HMGN1: variants seen among roughly 807,000 people sequenced by gnomAD.
The protein encoded by HMGN1 is high mobility group nucleosome binding domain 1, also known as non-histone chromosomal protein HMG-14.
Under a neutral mutation model 18.4 loss-of-function variants are expected in HMGN1, and 9 were observed. The ratio of observed to expected loss-of-function variants is 0.49; its 90% CI spans 0.29 to 0.85. HMGN1 has a LOEUF of 0.85. Ranked by LOEUF, HMGN1 falls within the 40% of genes least tolerant of loss-of-function variation. HMGN1 has a pLI of 0.07. For synonymous variants in HMGN1, 59 were observed against 45.0 expected (o/e 1.31, Z -1.24); for missense variants, 151 against 119.2 (o/e 1.27, Z -1.24).
Position 39,348,955 on chromosome 21 carries a change from G to C in HMGN1, c.-38C>G. 8.3e-7 allele frequency: 1 copy of C among 1,201,234 alleles called. No homozygotes were observed. Among genetic ancestry groups the C allele is most frequent in the Non-Finnish European group, 1.0e-6 (1 of 968,450 alleles). The allele number at this position is 1,201,234 out of a possible 1,614,324, so 74.4% of individuals were successfully genotyped here. On this transcript the variant is annotated 5_prime_UTR_variant, in exon 1 of 6. Coordinates refer to ENST00000380749, the MANE Select transcript of HMGN1 (RefSeq NM_004965.7). Reference sequence around the variant, plus strand: ...GAAGGCGCGTGCCGGGTGCCTGCGGGGAAGGCGCGTGCCGGGTGCCTGCGG... The same window carrying C: ...GAAGGCGCGTGCCGGGTGCCTGCGGCGAAGGCGCGTGCCGGGTGCCTGCGG...
chr21:39,347,721 C>A (rs2037105410), intron 4 of HMGN1: 4 of 266,670 alleles, frequency 1.5e-5, no homozygotes, highest in South Asian at 1.3e-4. Context: ...TACAGACCTG[C>A]AATTCGAATC....
Position 39,348,454 on chromosome 21 carries a change from T to C in HMGN1, c.49-3A>G. 1 of 1,613,948 alleles carries C rather than the reference T, an allele frequency of 6.2e-7. No individual in the cohort carries two copies. The highest frequency in any genetic ancestry group is 8.5e-7 in the Non-Finnish European group (1 of 1,179,972). ...AACCGCGCCGATCTCCTCTTGGGCT[T>C]GGAGAAAGAAAAAGGAGAGTCAGCG... On this transcript the variant is annotated splice_region_variant and splice_polypyrimidine_tract_variant and intron_variant, in intron 2 of 5. Transcript: ENST00000380749.
At chr21:39,345,461 A>AT in intron 4 of HMGN1, 187 bp from the exon 5 acceptor site, 2 of 620,418 alleles carry the variant, frequency 3.2e-6, no homozygotes, top group Non-Finnish European at 5.6e-6. Flanking sequence ...AAAGGATCTC[A>AT]TTTTGTATAG....
intron 4 of HMGN1, chr21:39,347,252 G>C (rs2037088875): frequency 2.6e-6 from 2 of 755,608 alleles, no homozygotes; most frequent in South Asian, 4.9e-5. Context: ...CATACCTTCC[G>C]TGAAGCTTTA....
At chr21:39,347,604 G>A (rs1405048309) in intron 4 of HMGN1, 3 of 424,690 alleles carry the variant, frequency 7.1e-6, no homozygotes, top group African/African-American at 2.1e-5. Flanking sequence ...AGCTTTACAG[G>A]TTTCAATGCT....
At chr21:39,345,588 A>G in intron 4 of HMGN1, 1 of 418,094 alleles carries the variant, frequency 2.4e-6, no homozygotes, top group South Asian at 2.1e-5. Context: ...TGCTAAGGAG[A>G]TTTTAATAGT....
Position 39,345,138 on chromosome 21 carries a change from C to CACA in HMGN1, c.255+7_255+8insTGT. 1 of 1,568,422 alleles carries CACA rather than the reference C, an allele frequency of 6.4e-7. No homozygotes were observed. Reference sequence around the variant, plus strand: ...ACACACACACACACACACACACACACTTCTGACCTCCTCAGTCTTCGTTTC... The same window carrying CACA: ...ACACACACACACACACACACACACACACATTCTGACCTCCTCAGTCTTCGTTTC... On this transcript the variant is annotated splice_region_variant and intron_variant, in intron 5 of 5. Coordinates refer to ENST00000380749, the MANE Select transcript of HMGN1 (RefSeq NM_004965.7).
Position 39,349,066 on chromosome 21 carries a change from C to T in HMGN1, c.-149G>A, listed in dbSNP as rs2037178223. 3.3e-6 allele frequency: 3 copies of T among 914,156 alleles called. No homozygotes were observed. The highest frequency in any genetic ancestry group is 4.3e-4 in the Middle Eastern group (1 of 2,342). The allele number at this position is 914,156 out of a possible 1,614,324, so 56.6% of individuals were successfully genotyped here. Reference sequence around the variant, plus strand: ...CCGCCCGAGCTGCTGAGACCCACAGCGGGGGCGGTGGGAGAACCGGATGGA... The same window carrying T: ...CCGCCCGAGCTGCTGAGACCCACAGTGGGGGCGGTGGGAGAACCGGATGGA... On this transcript the variant is annotated 5_prime_UTR_variant, in exon 1 of 6. Transcript: ENST00000380749.
Position 39,345,267 on chromosome 21 carries a change from G to C in HMGN1, c.134C>G (p.Ser45Cys), listed in dbSNP as rs144112239. The change falls in exon 5 of 6, where the codon TCT becomes TGT. Residue 45 changes from serine to cysteine, a missense_variant. By Grantham distance (112) the Ser-to-Cys change is moderately radical. Transcript: ENST00000380749. ...TTTTGTTTGCACTTTTTTGTCTGAA[G>C]ATTTATCCTATGATAGAATAAGAAT... ...KPKKAAAKDK[S>C]SDKKVQTKGK... The C allele has an allele frequency of 1.9e-6, 3 of 1,611,816 alleles. No individual in the cohort carries two copies. In the African/African-American group the frequency reaches 4.0e-5, roughly 22 times the overall value.
In HMGN1 at chr21:39,348,349, A is replaced by G; in HGVS notation, c.79-10T>C. 6.2e-7 allele frequency: 1 copy of G among 1,614,160 alleles called. No homozygotes were observed. Among genetic ancestry groups the G allele is most frequent in the East Asian group, 2.2e-5 (1 of 44,874 alleles). ...CTTTTGCAGGAGGTTTCTGAAAGGC[A>G]AAAGCAGCACTGAGCGTCCTCACCC... On this transcript the variant is annotated splice_polypyrimidine_tract_variant and intron_variant, in intron 3 of 5. Coordinates refer to ENST00000380749, the MANE Select transcript of HMGN1 (RefSeq NM_004965.7).
rs1004659404 is a variant in HMGN1 at position 39,342,510 on chromosome 21, G to T, written c.*602C>A. 1 of 190,406 alleles carries T rather than the reference G, an allele frequency of 5.3e-6. No homozygotes were observed. Among genetic ancestry groups the T allele is most frequent in the South Asian group, 8.2e-5 (1 of 12,206 alleles). 11.8% of individuals were successfully genotyped at this position (190,406 alleles called of 1,614,324 possible). A position where few individuals can be genotyped will look rare whatever the true frequency, so the allele number is the denominator to read the frequency against. ...GGCTATCAAGTACCAGTATCTTCAC[G>T]TTGGTCAGCTGTTACATACGGCCCA... On this transcript the variant is annotated 3_prime_UTR_variant, in exon 6 of 6. Transcript: ENST00000380749.
At chr21:39,347,079 C>CACAA (rs1555884218) in intron 4 of HMGN1, 2,212 of 154,640 alleles carry the variant, frequency 0.014, 27 homozygotes, top group Non-Finnish European at 0.023. Context: ...CACACACACA[C>CACAA]AATAAAAAAA....
chr21:39,345,971 G>GTAAT, intron 4 of HMGN1: 1 of 1,296,788 alleles, frequency 7.7e-7, no homozygotes, highest in Non-Finnish European at 1.0e-6. Context: ...GAAAAGCACA[G>GTAAT]GTATTAATAT....
Sources: gnomAD v4.1 joint callset for allele counts on GRCh38, gnomAD v4.1.1 for gene constraint, MANE v1.5 for transcripts, NCBI Gene and HGNC (gene_info 2026-07-23, HGNC 2026-07-21) for gene names.